JAK1: variants seen among roughly 807,000 people sequenced by gnomAD.
The protein encoded by JAK1 is Janus kinase 1.
A neutral mutation model predicts 136.6 loss-of-function variants in JAK1; 16 were observed. That is an observed-to-expected ratio of 0.12 (90% CI 0.08 to 0.18). The LOEUF (loss-of-function observed/expected upper bound fraction) is 0.18, where lower values mean the gene tolerates loss of function less well. Ranked by LOEUF, JAK1 falls within the 10% of genes least tolerant of loss-of-function variation. The probability of loss-of-function intolerance (pLI) is 1.00; values close to 1 mark genes in which losing one functional copy is unlikely to be tolerated. For synonymous variants in JAK1, 492 were observed against 519.5 expected, an observed-to-expected ratio of 0.95 and a Z score of 0.72; for missense variants, 859 against 1,450.1, an observed-to-expected ratio of 0.59 and a Z score of 6.62.
intron 5 of JAK1, among the ~76,000 whole-genome samples, 186 bp from the exon 6 acceptor site, chr1:64,869,660 C>G (rs2274947): frequency 0.16 from 24,107 of 152,150 alleles, 2,070 homozygotes; most frequent in East Asian, 0.31. Flanking sequence ...GATGTTCTCC[C>G]CCGCTCATTC....
chr1:64,956,974 C>G (rs1196655133), intron 1 of JAK1, among the ~76,000 whole-genome samples: 1 of 152,180 alleles, frequency 6.6e-6, no homozygotes, highest in Non-Finnish European at 1.5e-5. Flanking sequence ...TGAGGGACAT[C>G]TGCCAGGAAG....
At chr1:64,990,919 C>CAAAAAAAAAAAA (rs1173485942) in intron 2 of JAK1, 1 of 44,148 alleles carries the variant, frequency 2.3e-5, no homozygotes, top group Non-Finnish European at 5.2e-5. Context: ...GACTCCGTCT[C>CAAAAAAAAAAAA]AAAAAAAAAA....
At chr1:64,953,965 G>A (rs933622917) in intron 1 of JAK1, among the ~76,000 whole-genome samples, 1 of 152,158 alleles carries the variant, frequency 6.6e-6, no homozygotes, top group African/African-American at 2.4e-5. Context: ...ATGAGCGACC[G>A]CACTCGGCCT....
At chr1:64,915,728 G>A (rs1645383568) in intron 1 of JAK1, among the ~76,000 whole-genome samples, 1 of 152,144 alleles carries the variant, frequency 6.6e-6, no homozygotes, top group Non-Finnish European at 1.5e-5. Flanking sequence ...GCTACCATGT[G>A]GCTAGTGACT....
intron 2 of JAK1, among the ~76,000 whole-genome samples, chr1:65,016,378 T>A (rs1178631079): frequency 6.6e-6 from 1 of 152,050 alleles, no homozygotes; most frequent in East Asian, 1.9e-4. Context: ...TCCTAGCACG[T>A]TGGGAGGCCT....
chr1:64,901,711 T>C (rs1645107844), intron 1 of JAK1, among the ~76,000 whole-genome samples: 1 of 152,218 alleles, frequency 6.6e-6, no homozygotes, highest in South Asian at 2.1e-4. Flanking sequence ...TGGTTCTTAG[T>C]GTAATCTCAA....
chr1:65,018,153 A>G (rs1236401723), intron 2 of JAK1, among the ~76,000 whole-genome samples: 1 of 152,078 alleles, frequency 6.6e-6, no homozygotes, highest in Non-Finnish European at 1.5e-5. Flanking sequence ...CTTAAAAATT[A>G]CTTCATATCA....
intron 2 of JAK1, among the ~76,000 whole-genome samples, chr1:65,019,715 A>G (rs938135487): frequency 6.6e-6 from 1 of 152,030 alleles, no homozygotes; most frequent in Middle Eastern, 3.2e-3. Flanking sequence ...CCAGGAGTTC[A>G]AGACCAGCCT....
chr1:65,060,131 A>G (rs1647724502), intron 1 of JAK1, among the ~76,000 whole-genome samples: 1 of 146,066 alleles, frequency 6.8e-6, no homozygotes, highest in African/African-American at 2.6e-5. Context: ...AACGAAGATT[A>G]AAGAAAAAAA....
At chr1:64,850,744 G>T in intron 12 of JAK1, 60 bp downstream of exon 12, 1 of 1,110,938 alleles carries the variant, frequency 9.0e-7, no homozygotes. Flanking sequence ...AGATCCCCAA[G>T]CTGCTCCATC....
intron 1 of JAK1, among the ~76,000 whole-genome samples, chr1:65,052,989 C>T (rs748195016): frequency 4.2e-4 from 60 of 144,310 alleles, no homozygotes; most frequent in Non-Finnish European, 4.2e-4. Flanking sequence ...CAAGATCACG[C>T]CATTGCACTC....
chr1:64,871,253 C>T (rs1417353491), intron 5 of JAK1, among the ~76,000 whole-genome samples: 1 of 152,134 alleles, frequency 6.6e-6, no homozygotes, highest in Non-Finnish European at 1.5e-5. Flanking sequence ...TAAAGCCCTA[C>T]AGTGGGACAT....
intron 2 of JAK1, among the ~76,000 whole-genome samples, chr1:65,015,118 G>A (rs922209681): frequency 8.5e-5 from 13 of 152,150 alleles, no homozygotes; most frequent in African/African-American, 3.1e-4. Context: ...GAATTCAGAA[G>A]GGTGTCATTC....
rs556749881 is a variant in JAK1 at position 64,870,980 on chromosome 1, G to T, written c.484-1506C>A. ...TCACTTATTCCTGAGCCTCCAAAAG[G>T]TCAATCTAACGCCATGCTTATTCTT... On this transcript the variant is annotated intron_variant, in intron 5 of 24. Transcript: ENST00000342505. Among the ~76,000 whole-genome samples, 23 of 152,100 alleles carry T rather than the reference G, an allele frequency of 1.5e-4. No individual in the cohort carries two copies. In the South Asian group the frequency reaches 4.8e-3, roughly 32 times the overall value.
intron 1 of JAK1, among the ~76,000 whole-genome samples, chr1:65,045,798 T>C (rs1169821138): frequency 6.6e-6 from 1 of 152,166 alleles, no homozygotes; most frequent in Non-Finnish European, 1.5e-5. Context: ...AGAATGAAAA[T>C]GGGAGCCTCA....
intron 2 of JAK1, among the ~76,000 whole-genome samples, chr1:64,978,634 C>T (rs1346735518): frequency 6.6e-6 from 1 of 152,142 alleles, no homozygotes; most frequent in African/African-American, 2.4e-5. Context: ...GGATGCTTTA[C>T]TTCAAAATCC....
chr1:65,027,088 C>T (rs572830756), intron 2 of JAK1, among the ~76,000 whole-genome samples: 1 of 151,362 alleles, frequency 6.6e-6, no homozygotes, highest in Admixed American at 6.6e-5. Context: ...ACTCTGTTGC[C>T]CAGGCTGGAG....
chr1:64,863,077 A>G (rs1335400643), intron 8 of JAK1, among the ~76,000 whole-genome samples: 2 of 149,400 alleles, frequency 1.3e-5, no homozygotes, highest in East Asian at 2.0e-4. Context: ...GATGCAGCAT[A>G]TAACACAGGG....
chr1:64,879,926 C>T (rs1448052067), intron 3 of JAK1, among the ~76,000 whole-genome samples: 2 of 152,074 alleles, frequency 1.3e-5, no homozygotes, highest in Non-Finnish European at 2.9e-5. Flanking sequence ...ATTTTATGAA[C>T]CTGAAACATA....
Sources: allele counts gnomAD v4.1 joint callset (sites outside exome capture counted in the v4.1 genomes callset), GRCh38; gene constraint gnomAD v4.1.1; transcripts MANE v1.5; gene names NCBI Gene and HGNC (gene_info 2026-07-23, HGNC 2026-07-21).